The following DGKB variants were observed in gnomAD, a reference collection of about 807,000 sequenced individuals.
The protein encoded by DGKB is diacylglycerol kinase beta.
A neutral mutation model predicts 114.3 loss-of-function variants in DGKB; 67 were observed. The observed-to-expected ratio is 0.59, with a 90% CI of 0.48 to 0.72. DGKB has a LOEUF of 0.72. Ranked by LOEUF, DGKB falls within the 30% of genes least tolerant of loss-of-function variation. The probability of loss-of-function intolerance (pLI) is 0.00; values close to 1 mark genes in which losing one functional copy is unlikely to be tolerated. For missense variants in DGKB, 907 were observed against 975.2 expected (o/e 0.93, Z 0.93); for synonymous variants, 398 against 323.1 (o/e 1.23, Z -2.49).
intron 25 of DGKB, among the ~76,000 whole-genome samples, chr7:14,166,081 T>G (rs1025928204): frequency 6.6e-6 from 1 of 152,322 alleles, no homozygotes; most frequent in Non-Finnish European, 1.5e-5. Flanking sequence ...ACCTCATCCG[T>G]ATAGTCTAAA....
chr7:14,203,209 T>A (rs1244311613), intron 23 of DGKB, among the ~76,000 whole-genome samples: 1 of 150,206 alleles, frequency 6.7e-6, no homozygotes, highest in African/African-American at 2.4e-5. Flanking sequence ...TTTTCGTCTA[T>A]CCTCTAAGGT....
chr7:14,155,320 G>A (rs1318233791), intron 25 of DGKB, among the ~76,000 whole-genome samples: 1 of 152,076 alleles, frequency 6.6e-6, no homozygotes, highest in Non-Finnish European at 1.5e-5. Flanking sequence ...ATTGCAAGTT[G>A]AATAGATACA....
intron 20 of DGKB, among the ~76,000 whole-genome samples, chr7:14,509,600 T>C (rs1374630824): frequency 6.6e-6 from 1 of 152,224 alleles, no homozygotes; most frequent in Non-Finnish European, 1.5e-5. Context: ...CCTTCACATA[T>C]TAATCCTTTT....
chr7:14,723,583 G>A (rs1275838036), intron 5 of DGKB, among the ~76,000 whole-genome samples: 2 of 145,034 alleles, frequency 1.4e-5, no homozygotes, highest in South Asian at 2.1e-4. Flanking sequence ...GTGTGTGTGT[G>A]TATATACACA....
chr7:14,164,103 T>C (rs988314919), intron 25 of DGKB, among the ~76,000 whole-genome samples: 1 of 152,316 alleles, frequency 6.6e-6, no homozygotes, highest in East Asian at 1.9e-4. Context: ...CTATAGTATT[T>C]AAATATTAGG....
At chr7:14,402,062 C>T (rs1241967331) in intron 21 of DGKB, among the ~76,000 whole-genome samples, 1 of 151,632 alleles carries the variant, frequency 6.6e-6, no homozygotes, top group Non-Finnish European at 1.5e-5. Context: ...TGGGGTACTA[C>T]AGATTCTTGG....
intron 23 of DGKB, among the ~76,000 whole-genome samples, chr7:14,247,656 A>T (rs1794676946): frequency 6.6e-6 from 1 of 152,000 alleles, no homozygotes; most frequent in Non-Finnish European, 1.5e-5. Context: ...CCTTTTGCAA[A>T]ATGTCTATTC....
intron 4 of DGKB, among the ~76,000 whole-genome samples, chr7:14,740,501 T>A (rs889347013): frequency 2.6e-5 from 4 of 152,172 alleles, no homozygotes; most frequent in Admixed American, 2.6e-4. Context: ...ACCTTAGCAT[T>A]TGGCTTATGA....
rs761304991 is a variant in DGKB at position 14,843,315 on chromosome 7, C to CTT, written c.-187-1867_-187-1866dup. Among the ~76,000 whole-genome samples, 178 of 77,286 alleles carry CTT rather than the reference C, an allele frequency of 2.3e-3. 22 individuals are homozygous for CTT. Among genetic ancestry groups the CTT allele is most frequent in the Non-Finnish European group, 2.6e-3 (117 of 44,342 alleles). 50.7% of individuals were successfully genotyped at this position (77,286 alleles called of 152,430 possible). On this transcript the variant is annotated intron_variant, in intron 1 of 25. Coordinates refer to ENST00000402815, the MANE Select transcript of DGKB (RefSeq NM_001350709.2). Reference sequence around the variant, plus strand: ...TTATTTGTTAATTAAATTTTAATAACTTTTTTTTTTTTTTTTTTTTTTTTT... The same window carrying CTT: ...TTATTTGTTAATTAAATTTTAATAACTTTTTTTTTTTTTTTTTTTTTTTTTTT...
At chr7:14,701,916 T>C (rs535681940) in intron 6 of DGKB, among the ~76,000 whole-genome samples, 186 bp from the exon 7 acceptor site, 3 of 152,286 alleles carry the variant, frequency 2.0e-5, no homozygotes, top group South Asian at 4.1e-4. Context: ...TTAATAGAAA[T>C]ACTGGATAGC....
chr7:14,210,840 T>C (rs1328079141), intron 23 of DGKB, among the ~76,000 whole-genome samples: 2 of 152,080 alleles, frequency 1.3e-5, no homozygotes, highest in African/African-American at 4.8e-5. Context: ...TTACCATAGA[T>C]GTGTGACACC....
At chr7:14,696,082 C>G (rs568092075) in intron 8 of DGKB, among the ~76,000 whole-genome samples, 74 of 152,264 alleles carry the variant, frequency 4.9e-4, no homozygotes, top group South Asian at 2.7e-3. Flanking sequence ...TACTCAGCCA[C>G]CAGCTTTCCC....
intron 23 of DGKB, among the ~76,000 whole-genome samples, chr7:14,276,392 G>A (rs917812246): frequency 1.8e-4 from 27 of 152,086 alleles, no homozygotes; most frequent in Admixed American, 1.6e-3. Flanking sequence ...GATAAAATAT[G>A]AATTAAATCA....
At chr7:14,903,375 A>G (rs1248311916), upstream of DGKB, 1 of 152,298 alleles carries the variant, frequency 6.6e-6, no homozygotes, top group East Asian at 1.9e-4. Context: ...ACAGGGAGAC[A>G]AGGCTATACA....
intron 20 of DGKB, among the ~76,000 whole-genome samples, chr7:14,502,280 G>A (rs1786312408): frequency 6.6e-6 from 1 of 151,926 alleles, no homozygotes; most frequent in South Asian, 2.1e-4. Flanking sequence ...GCCTTCTCCT[G>A]GAGAGAGAGA....
chr7:14,329,968 G>T (rs557933199), intron 23 of DGKB, among the ~76,000 whole-genome samples: 2 of 152,066 alleles, frequency 1.3e-5, no homozygotes, highest in South Asian at 2.1e-4. Flanking sequence ...ATAGACAGAG[G>T]ACTGGACAAC....
chr7:14,791,674 TTAATA>T (rs750554023), intron 2 of DGKB, among the ~76,000 whole-genome samples: 36 of 152,166 alleles, frequency 2.4e-4, no homozygotes, highest in Non-Finnish European at 3.7e-4. Context: ...TCTGTACTTG[TTAATA>T]TAATTATGAA....
At chr7:14,259,519 CG>C (rs201240940) in intron 23 of DGKB, among the ~76,000 whole-genome samples, 7,660 of 152,084 alleles carry the variant, frequency 0.05, 287 homozygotes, top group East Asian at 0.16. Context: ...TTCTGCATCC[CG>C]GCTTCAAGTC....
At position 14,958,548 on chromosome 7, in the gene DGKB, A is replaced by G. The variant is rs143258420; in HGVS notation, c.-188+16148T>C. The stretch of plus-strand genomic sequence containing the variant: ...TAAGCTTCGGGAAATTTCTCTTTCA[A>G]TATTCTTCCTTTAATTATTGGCTTT... On this transcript the variant is annotated intron_variant, in intron 1 of 4. Transcript: ENST00000437998. Among the ~76,000 whole-genome samples the G allele has an allele frequency of 3.9e-5, 6 of 151,966 alleles. No homozygotes were observed. The East Asian group carries it at 7.8e-4, about 20-fold the overall frequency.
Sources: allele counts gnomAD v4.1 joint callset (sites outside exome capture counted in the v4.1 genomes callset), GRCh38; gene constraint gnomAD v4.1.1; transcripts MANE v1.5; gene names NCBI Gene and HGNC (gene_info 2026-07-23, HGNC 2026-07-21).